PLEKHG4B: variants seen among roughly 807,000 people sequenced by gnomAD.
PLEKHG4B encodes the protein pleckstrin homology domain-containing family G member 4B.
A neutral mutation model predicts 121.3 loss-of-function variants in PLEKHG4B; 111 were observed. The ratio of observed to expected loss-of-function variants is 0.92; its 90% CI spans 0.78 to 1.07. PLEKHG4B has a LOEUF of 1.07. Ranked by LOEUF, PLEKHG4B falls within the 50% of genes least tolerant of loss-of-function variation. The pLI is 0.00. For synonymous variants in PLEKHG4B, 738 were observed against 725.0 expected (o/e 1.02, Z -0.29); for missense variants, 1,831 against 1,757.8 (o/e 1.04, Z -0.74).
At position 156,921 on chromosome 5, in the gene PLEKHG4B, G is replaced by T. The variant is rs748636766; in HGVS notation, c.2487+10G>T. 1.2e-6 allele frequency: 2 copies of T among 1,611,156 alleles called. No individual in the cohort carries two copies. Among genetic ancestry groups the T allele is most frequent in the South Asian group, 2.2e-5 (2 of 90,298 alleles). On this transcript the variant is annotated intron_variant, in intron 11 of 19. Transcript: ENST00000637938. This position sits in a 1 kb window ranked among gnomAD's most constrained non-coding sequence, Gnocchi z 4.4. ...GGAAGGGAATGACCAGGTCAGAGCT[G>T]CAGGAGGAAGGCGGCCCGGTCAGCA...
At chr5:125,484 C>T (rs893196963) in intron 2 of PLEKHG4B, among the ~76,000 whole-genome samples, 2 of 151,978 alleles carry the variant, frequency 1.3e-5, no homozygotes, top group African/African-American at 4.8e-5. Context: ...TCTGTCTCAC[C>T]CCTTTTGGTT....
intron 18 of PLEKHG4B, among the ~76,000 whole-genome samples, chr5:178,769 A>G (rs1217170877): frequency 6.6e-6 from 1 of 152,140 alleles, no homozygotes; most frequent in Non-Finnish European, 1.5e-5. Flanking sequence ...TTGTCCCTCT[A>G]TGTCCATGGG....
rs1735093860 is a variant in PLEKHG4B, at chr5:139,744, C to T, written c.505C>T (p.Arg169Trp). The T allele has an allele frequency of 5.0e-6, 2 of 398,880 alleles. No individual in the cohort carries two copies. Among genetic ancestry groups the T allele is most frequent in the Admixed American group, 4.4e-5 (1 of 22,722 alleles). The allele number at this position is 398,880 out of a possible 1,614,324, so 24.7% of individuals were successfully genotyped here. The change falls in exon 3 of 20, where the codon CGG becomes TGG. Residue 169 changes from arginine to tryptophan, a missense_variant. Transcript: ENST00000637938. This position sits in a 1 kb window ranked among gnomAD's most constrained non-coding sequence, Gnocchi z 5.0. ...FTGAFLEWVN[R>W]ERRHVPLQTC... ...GGGGGCGTTCCTGGAGTGGGTGAAC[C>T]GGGAGCGGCGCCATGTCCCCCTGCA...
chr5:158,481 C>T (rs1240045075), intron 11 of PLEKHG4B, among the ~76,000 whole-genome samples: 2 of 148,424 alleles, frequency 1.3e-5, no homozygotes, highest in African/African-American at 5.0e-5. Flanking sequence ...TCTCCTCCCA[C>T]TGCCTATTCT....
chr5:134,836 A>G (rs1039140408), intron 2 of PLEKHG4B, among the ~76,000 whole-genome samples: 1 of 152,142 alleles, frequency 6.6e-6, no homozygotes, highest in Non-Finnish European at 1.5e-5. Flanking sequence ...TGGAGGATAC[A>G]AAATCAACAC....
chr5:161,919 C>T lies in PLEKHG4B; in HGVS notation c.2624C>T (p.Thr875Ile). The change falls in exon 12 of 20, where the codon ACC (threonine) becomes ATC (isoleucine). Residue 875 changes from threonine to isoleucine, a missense_variant. Physicochemically the swap from Thr to Ile is moderately conservative, Grantham distance 89. Transcript: ENST00000637938. ...AGGGAGGGAGAGCTGGCCAGGTGGA[C>T]CCGCTCGTCCGAGTTGTGCGAGACG... is the stretch of plus-strand genomic sequence containing the variant. ...ECREGELARW[T>I]RSSELCETVS... 2 of 1,612,626 alleles carry T rather than the reference C, an allele frequency of 1.2e-6. No homozygotes were observed. The highest frequency in any genetic ancestry group is 1.7e-6 in the Non-Finnish European group (2 of 1,179,716).
In PLEKHG4B at chr5:155,336, TCA is replaced by T. The variant is rs1305290755; in HGVS notation, c.2110-6_2110-5del. On this transcript the variant is annotated splice_polypyrimidine_tract_variant and splice_region_variant and intron_variant, in intron 8 of 19. Transcript: ENST00000637938. ...TTCTTATAATCTCCTCCCTCTCAACTCACAACAGAGGCTGGAACACTTCGCTG... is the reference window on the plus strand; with the variant it reads ...TTCTTATAATCTCCTCCCTCTCAACTCAACAGAGGCTGGAACACTTCGCTG... The T allele has an allele frequency of 6.2e-7, 1 of 1,612,082 alleles. No individual in the cohort carries two copies. Among genetic ancestry groups the T allele is most frequent in the Admixed American group, 1.7e-5 (1 of 60,018 alleles).
chr5:129,092 A>G (rs1020366969), intron 2 of PLEKHG4B, among the ~76,000 whole-genome samples: 8 of 152,238 alleles, frequency 5.3e-5, no homozygotes, highest in African/African-American at 1.4e-4. Flanking sequence ...TTTCTTTGCC[A>G]TATTCTGAAG....
chr5:123,327 C>A (rs1421611039), intron 2 of PLEKHG4B, among the ~76,000 whole-genome samples: 1 of 152,078 alleles, frequency 6.6e-6, no homozygotes, highest in African/African-American at 2.4e-5. Flanking sequence ...GAAAAGATTA[C>A]AATGTCCATA....
At position 185,277 on chromosome 5, in the gene PLEKHG4B, C is replaced by T. The variant is rs1171448583; in HGVS notation, c.*2954C>T. 1 of 152,274 alleles carries T rather than the reference C, an allele frequency of 6.6e-6. No homozygotes were observed. Among genetic ancestry groups the T allele is most frequent in the African/African-American group, 2.4e-5 (1 of 41,452 alleles). 9.4% of individuals were successfully genotyped at this position (152,274 alleles called of 1,614,324 possible). Reference sequence around the variant, plus strand: ...CCGGCAAGCCACAGACAGGCCTGCTCTCTGAATTGGTGACCACATGAGTAA... The same window carrying T: ...CCGGCAAGCCACAGACAGGCCTGCTTTCTGAATTGGTGACCACATGAGTAA... On this transcript the variant is annotated 3_prime_UTR_variant, in exon 20 of 20. Transcript: ENST00000637938.
In PLEKHG4B at chr5:139,597, T is replaced by C. The variant is rs866641252; in HGVS notation, c.358T>C (p.Tyr120His). 3 of 398,826 alleles carry C rather than the reference T, an allele frequency of 7.5e-6. No homozygotes were observed. Among genetic ancestry groups the C allele is most frequent in the Non-Finnish European group, 1.3e-5 (3 of 226,098 alleles). 24.7% of individuals were successfully genotyped at this position (398,826 alleles called of 1,614,324 possible). A position where few individuals can be genotyped will look rare whatever the true frequency, so the allele number is the denominator to read the frequency against. Residue 120 changes from tyrosine to histidine, a missense_variant, in exon 3 of 20, where the codon TAC becomes CAC. Coordinates refer to ENST00000637938, the MANE Select transcript of PLEKHG4B (RefSeq NM_052909.5). The surrounding 1 kb of genome is among the most constrained non-coding windows in gnomAD (Gnocchi z 5.0). ...HGVRLQPGDFYLQVTSAGKQS... is the reference protein window; with the variant it reads ...HGVRLQPGDFHLQVTSAGKQS... ...AGTCAGGCTCCAGCCCGGGGACTTC[T>C]ACCTGCAGGTCACGTCGGCGGGGAA...
chr5:145,318 C>T (rs974800952), intron 6 of PLEKHG4B, among the ~76,000 whole-genome samples: 3 of 152,230 alleles, frequency 2.0e-5, no homozygotes, highest in Non-Finnish European at 2.9e-5. Flanking sequence ...AGCACAGCAT[C>T]ACCCTTCAGA....
intron 2 of PLEKHG4B, among the ~76,000 whole-genome samples, chr5:114,876 T>C (rs181847017): frequency 6.6e-6 from 1 of 152,328 alleles, no homozygotes; most frequent in African/African-American, 2.4e-5. Context: ...CTGCAGTTCC[T>C]TCCTCCATGG....
chr5:153,028 C>G (rs1300188907), intron 7 of PLEKHG4B, among the ~76,000 whole-genome samples: 3 of 152,226 alleles, frequency 2.0e-5, no homozygotes, highest in Non-Finnish European at 4.4e-5. Context: ...ATTACCCAGT[C>G]TCAGGTAGTA....
intron 1 of PLEKHG4B, among the ~76,000 whole-genome samples, chr5:93,921 G>A (rs1439888621): frequency 1.3e-5 from 2 of 152,132 alleles, no homozygotes; most frequent in Admixed American, 1.3e-4. Context: ...AGAGATTTTT[G>A]TGGGAAATCA....
chr5:102,028 C>T (rs34629140), intron 1 of PLEKHG4B, among the ~76,000 whole-genome samples: 21 of 84,552 alleles, frequency 2.5e-4, no homozygotes, highest in Admixed American at 6.0e-4. Flanking sequence ...CATATAAAGC[C>T]CTGGAAAAAG....
chr5:154,727 G>A (rs144662012), intron 7 of PLEKHG4B, 148 bp from the exon 8 acceptor site: 379 of 566,034 alleles, frequency 6.7e-4, no homozygotes, highest in African/African-American at 6.4e-3. Context: ...ACCCAGACCC[G>A]TGCTATTATC....
At position 171,044 on chromosome 5, in the gene PLEKHG4B, A is replaced by G. The variant is rs1361399408; in HGVS notation, c.3731A>G (p.Glu1244Gly). The G allele has an allele frequency of 1.2e-6, 2 of 1,610,056 alleles. No individual in the cohort carries two copies. Among genetic ancestry groups the G allele is most frequent in the African/African-American group, 2.7e-5 (2 of 74,832 alleles). The change falls in exon 15 of 20, where the codon GAA (glutamate) becomes GGA (glycine). Residue 1244 changes from glutamate (E) to glycine (G), a missense_variant and splice_region_variant. Transcript: ENST00000637938. The stretch of plus-strand genomic sequence containing the variant: ...AAGCAGTCGCCTCTGCTTTTCCAGG[A>G]AGAGCAGTTTGGGATGTACGTGATC... Reference protein sequence around the residue: ...LAVGRSFLRHEEQFGMYVIYS... With the variant: ...LAVGRSFLRHGEQFGMYVIYS...
At chr5:142,073 G>C (rs1579281437) in intron 3 of PLEKHG4B, among the ~76,000 whole-genome samples, 1 of 152,342 alleles carries the variant, frequency 6.6e-6, no homozygotes, top group East Asian at 1.9e-4. Flanking sequence ...GTCCCGGAGA[G>C]TGCCGCACAC....
Sources: allele counts gnomAD v4.1 joint callset (sites outside exome capture counted in the v4.1 genomes callset), GRCh38; gene constraint gnomAD v4.1.1; non-coding constraint Gnocchi (gnomAD v3.1); transcripts MANE v1.5; gene names NCBI Gene and HGNC (gene_info 2026-07-23, HGNC 2026-07-21).